Variants in KAZN observed in about 807,000 individuals in gnomAD.
KAZN encodes kazrin.
In KAZN, 40 loss-of-function variants were observed where a neutral mutation model predicts 87.4. The ratio of observed to expected loss-of-function variants is 0.46; its 90% CI spans 0.36 to 0.60. The LOEUF (loss-of-function observed/expected upper bound fraction) is 0.60, where lower values mean the gene tolerates loss of function less well. KAZN is among the 20% of genes least tolerant of loss of function. KAZN has a pLI of 0.00. For missense variants in KAZN, 898 were observed against 1,073.9 expected, an observed-to-expected ratio of 0.84 and a Z score of 2.29; for synonymous variants, 466 against 458.3, an observed-to-expected ratio of 1.02 and a Z score of -0.22.
At chr1:14,279,683 AG>A (rs1652689178) in intron 2 of KAZN, among the ~76,000 whole-genome samples, 1 of 152,252 alleles carries the variant, frequency 6.6e-6, no homozygotes, top group African/African-American at 2.4e-5. Context: ...GGAGTAAATG[AG>A]ATGGCACATT....
chr1:14,507,315 G>A (rs1670633321), intron 2 of KAZN, among the ~76,000 whole-genome samples: 1 of 152,158 alleles, frequency 6.6e-6, no homozygotes. Context: ...TCTCATTTCA[G>A]TAGAATGGGG....
chr1:14,204,997 T>G (rs1646710265), intron 2 of KAZN, among the ~76,000 whole-genome samples: 2 of 152,226 alleles, frequency 1.3e-5, no homozygotes, highest in African/African-American at 4.8e-5. Flanking sequence ...CTTGATTTCC[T>G]GGAAGTCCAA....
chr1:14,729,273 G>A (rs1643567210), intron 1 of KAZN, among the ~76,000 whole-genome samples: 1 of 152,206 alleles, frequency 6.6e-6, no homozygotes, highest in South Asian at 2.1e-4. Flanking sequence ...AGTGACCCTT[G>A]CTATCTGGTT....
chr1:14,354,466 TA>T (rs1314338060), intron 2 of KAZN, among the ~76,000 whole-genome samples: 1 of 152,020 alleles, frequency 6.6e-6, no homozygotes, highest in Non-Finnish European at 1.5e-5. Flanking sequence ...AATTCAGTAA[TA>T]AAAAGAAAAC....
At chr1:14,657,245 G>A (rs1638860313) in intron 1 of KAZN, among the ~76,000 whole-genome samples, 1 of 152,052 alleles carries the variant, frequency 6.6e-6, no homozygotes, top group South Asian at 2.1e-4. Flanking sequence ...CACCACACCT[G>A]GCTAATCTTG....
intron 1 of KAZN, among the ~76,000 whole-genome samples, chr1:14,652,383 TTCC>T (rs557693668): frequency 5.2e-4 from 75 of 143,076 alleles, no homozygotes; most frequent in Non-Finnish European, 9.2e-4. Context: ...TTCTACCTTC[TTCC>T]TCCTCCTGTT....
intron 1 of KAZN, among the ~76,000 whole-genome samples, chr1:14,796,417 C>T (rs758924342): frequency 2.0e-5 from 3 of 152,208 alleles, no homozygotes; most frequent in South Asian, 2.1e-4. Context: ...TCCACCACCC[C>T]GCCTTCACAT....
intron 2 of KAZN, among the ~76,000 whole-genome samples, chr1:14,465,249 A>C (rs559337051): frequency 6.6e-6 from 1 of 151,812 alleles, no homozygotes; most frequent in Non-Finnish European, 1.5e-5. Flanking sequence ...AATACAAAAA[A>C]TTGGCCAGGC....
chr1:14,122,021 C>T (rs1644762320), intron 1 of KAZN, among the ~76,000 whole-genome samples: 1 of 152,124 alleles, frequency 6.6e-6, no homozygotes. Context: ...AATTCCTGAT[C>T]TCAGAAAAGA....
chr1:14,451,333 T>C (rs970204855), intron 2 of KAZN, among the ~76,000 whole-genome samples: 2 of 152,142 alleles, frequency 1.3e-5, no homozygotes, highest in Non-Finnish European at 2.9e-5. Flanking sequence ...GGGAATTATA[T>C]TGGTACCTCA....
chr1:15,046,258 G>C (rs571656392), intron 4 of KAZN, among the ~76,000 whole-genome samples: 1 of 146,298 alleles, frequency 6.8e-6, no homozygotes, highest in African/African-American at 2.6e-5. Context: ...AGGTCAAGCC[G>C]CTGCACTCCA....
intron 4 of KAZN, among the ~76,000 whole-genome samples, chr1:15,050,972 T>C (rs1283918834): frequency 1.3e-5 from 2 of 151,880 alleles, no homozygotes; most frequent in East Asian, 3.9e-4. Context: ...CCAGCCGGCT[T>C]CCCCCCAAGG....
At chr1:14,536,622 C>T (rs942317687) in intron 2 of KAZN, among the ~76,000 whole-genome samples, 1 of 152,184 alleles carries the variant, frequency 6.6e-6, no homozygotes, top group Non-Finnish European at 1.5e-5. Flanking sequence ...TGGCTCACGC[C>T]TGTAATCCCA....
rs1207136385 is a variant in KAZN at position 14,769,892 on chromosome 1, T to A, written c.226+170669T>A. ...CTGGGTTTGGGACCGGGCTATAGGATCCTAAGTGTAGGAGTGTAACTCAGC... is the reference window on the plus strand; with the variant it reads ...CTGGGTTTGGGACCGGGCTATAGGAACCTAAGTGTAGGAGTGTAACTCAGC... On this transcript the variant is annotated intron_variant, in intron 1 of 14. Coordinates refer to ENST00000376030, the MANE Select transcript of KAZN (RefSeq NM_201628.3). This position sits in a 1 kb window ranked among gnomAD's most constrained non-coding sequence, Gnocchi z 4.1. Among the ~76,000 whole-genome samples the A allele has an allele frequency of 6.6e-6, 1 of 152,140 alleles. No homozygotes were observed. Among genetic ancestry groups the A allele is most frequent in the Non-Finnish European group, 1.5e-5 (1 of 68,034 alleles).
rs1215774899 is a variant in KAZN at position 14,924,111 on chromosome 1, G to C, written c.227-36573G>C. On this transcript the variant is annotated intron_variant, in intron 1 of 14. Transcript: ENST00000376030. The stretch of plus-strand genomic sequence containing the variant: ...GTCGCCAGCCCGGAAGGAGCGGGAG[G>C]AGGAGCCGCGGGACTGAGAGCCGTT... 3 of 982,422 alleles carry C rather than the reference G, an allele frequency of 3.1e-6. No homozygotes were observed. The African/African-American group carries it at 5.3e-5, about 17-fold the overall frequency. 60.9% of individuals were successfully genotyped at this position (982,422 alleles called of 1,614,324 possible).
intron 1 of KAZN, among the ~76,000 whole-genome samples, chr1:14,044,444 A>G (rs1477077949): frequency 1.3e-5 from 2 of 152,190 alleles, no homozygotes; most frequent in East Asian, 1.9e-4. Flanking sequence ...GATATGCTCT[A>G]TATTCTACTC....
chr1:14,691,781 C>T (rs1414296642), intron 1 of KAZN, among the ~76,000 whole-genome samples: 3 of 152,178 alleles, frequency 2.0e-5, no homozygotes, highest in Non-Finnish European at 4.4e-5. Flanking sequence ...TCCAAACAAC[C>T]TCGCCTGGCC....
intron 2 of KAZN, among the ~76,000 whole-genome samples, chr1:14,457,524 G>A (rs988988990): frequency 3.3e-5 from 5 of 152,118 alleles, no homozygotes; most frequent in African/African-American, 4.8e-5. Flanking sequence ...ATTCATGCAC[G>A]TGGCCCTTTC....
In KAZN at chr1:14,761,195, C is replaced by T. The variant is rs535265377; in HGVS notation, c.226+161972C>T. ...TGCAGCAGGCTAGGTCTGTGCCTAC[C>T]GTTCCCTCTGTCTGGGTCCAGGAAT... On this transcript the variant is annotated intron_variant, in intron 1 of 14. Coordinates refer to ENST00000376030, the MANE Select transcript of KAZN (RefSeq NM_201628.3). Among the ~76,000 whole-genome samples the T allele has an allele frequency of 7.2e-5, 11 of 152,238 alleles. No individual in the cohort carries two copies. The East Asian group carries it at 7.8e-4, about 11-fold the overall frequency.
Sources: allele counts gnomAD v4.1 joint callset (sites outside exome capture counted in the v4.1 genomes callset), GRCh38; gene constraint gnomAD v4.1.1; non-coding constraint Gnocchi (gnomAD v3.1); transcripts MANE v1.5; gene names NCBI Gene and HGNC (gene_info 2026-07-23, HGNC 2026-07-21).